IMPA2: variants seen among roughly 807,000 people sequenced by gnomAD.
The protein encoded by IMPA2 is inositol monophosphatase 2.
A neutral mutation model predicts 35.1 loss-of-function variants in IMPA2; 32 were observed. The ratio of observed to expected loss-of-function variants is 0.91; its 90% confidence interval spans 0.69 to 1.23. IMPA2 has a LOEUF of 1.23. Ranked by LOEUF, IMPA2 falls within the 50% of genes most tolerant of loss-of-function variation. The pLI is 0.00. For missense variants in IMPA2, 334 were observed against 387.6 expected, an observed-to-expected ratio of 0.86 and a Z score of 1.16; for synonymous variants, 135 against 160.6, an observed-to-expected ratio of 0.84 and a Z score of 1.20.
chr18:12,012,839 C>T (rs1907471845), intron 4 of IMPA2, among the ~76,000 whole-genome samples: 1 of 152,182 alleles, frequency 6.6e-6, no homozygotes, highest in Non-Finnish European at 1.5e-5. Context: ...AAAAGCAGCC[C>T]TGCTTCAGAG....
chr18:11,992,219 A>G (rs1248732922), intron 1 of IMPA2, among the ~76,000 whole-genome samples: 2 of 152,230 alleles, frequency 1.3e-5, no homozygotes, highest in East Asian at 1.9e-4. Context: ...ATCACAACAC[A>G]TTCACTTGTG....
rs1316665974 is a variant in IMPA2, at chr18:11,999,172, G to A, written c.215G>A (p.Arg72Lys). Reference sequence around the variant, plus strand: ...TTAATTATTTCTGAGTTGCGAGAGAGGTTTCCTTCACACAGGTAGGTGTAC... The same window carrying A: ...TTAATTATTTCTGAGTTGCGAGAGAAGTTTCCTTCACACAGGTAGGTGTAC... Reference protein sequence around the residue: ...EDLIISELRERFPSHRFIAEE... With the variant: ...EDLIISELREKFPSHRFIAEE... The change falls in exon 2 of 8, where the codon AGG becomes AAG. Residue 72 changes from arginine (R) to lysine (K), a missense_variant. Transcript: ENST00000269159. 1 of 1,613,744 alleles carries A rather than the reference G, an allele frequency of 6.2e-7. No individual in the cohort carries two copies. Among genetic ancestry groups the A allele is most frequent in the African/African-American group, 1.3e-5 (1 of 74,986 alleles).
At chr18:11,983,244 C>A (rs1906557975) in intron 1 of IMPA2, among the ~76,000 whole-genome samples, 3 of 152,228 alleles carry the variant, frequency 2.0e-5, no homozygotes, top group Admixed American at 2.0e-4. Context: ...TGCAAGCGTT[C>A]TTCCTGGAAA....
In IMPA2 at chr18:12,028,094, C is replaced by A. The variant is rs369840633; in HGVS notation, c.542C>A (p.Ala181Glu). ...LTEIGPKRDP[A>E]TLKLFLSNME... ...GAAATTGGCCCCAAACGTGACCCTG[C>A]GACCCTGAAGCTGTTCCTGAGTAAC... The change falls in exon 6 of 8, where the codon GCG becomes GAG. Residue 181 changes from alanine to glutamate, a missense_variant. Physicochemically the swap from Ala to Glu is moderately radical, Grantham distance 107. Transcript: ENST00000269159. 1 of 1,614,000 alleles carries A rather than the reference C, an allele frequency of 6.2e-7. No homozygotes were observed. Among genetic ancestry groups the A allele is most frequent in the Admixed American group, 1.7e-5 (1 of 60,016 alleles).
chr18:12,017,623 C>G (rs1907614396), intron 5 of IMPA2: 1 of 428,528 alleles, frequency 2.3e-6, no homozygotes, highest in South Asian at 1.7e-5. Context: ...GGATCTCACT[C>G]TGTCACCCAG....
At chr18:12,001,687 C>T (rs112377235) in intron 2 of IMPA2, among the ~76,000 whole-genome samples, 5 of 152,272 alleles carry the variant, frequency 3.3e-5, no homozygotes, top group East Asian at 3.9e-4. Context: ...TGCCAGGGAC[C>T]GCCAGACTCC....
chr18:12,004,585 C>T (rs1483581972), intron 2 of IMPA2, among the ~76,000 whole-genome samples: 1 of 149,742 alleles, frequency 6.7e-6, no homozygotes, highest in Non-Finnish European at 1.5e-5. Context: ...GACTGGAGTG[C>T]AGTGGTGCAA....
intron 2 of IMPA2, chr18:12,008,487 A>G (rs1907341001): frequency 2.1e-6 from 1 of 470,310 alleles, no homozygotes; most frequent in Non-Finnish European, 4.3e-6. Flanking sequence ...AAGAGTGTCA[A>G]AAGCACTGCC....
intron 5 of IMPA2, among the ~76,000 whole-genome samples, chr18:12,016,906 A>C (rs1418985354): frequency 6.6e-6 from 1 of 152,228 alleles, no homozygotes; most frequent in Non-Finnish European, 1.5e-5. Flanking sequence ...AACCATTATC[A>C]AAGAAGAAAC....
At chr18:12,024,740 CT>C (rs1366018487) in intron 5 of IMPA2, among the ~76,000 whole-genome samples, 6 of 151,932 alleles carry the variant, frequency 3.9e-5, no homozygotes, top group African/African-American at 1.2e-4. Flanking sequence ...CCTCCCTGCC[CT>C]TCCTCCCTCT....
rs912003132 is a variant in IMPA2 at position 12,018,870 on chromosome 18, A to C, written c.490+4497A>C. 1.1e-4 allele frequency among the ~76,000 whole-genome samples: 16 copies of C among 152,174 alleles called. No homozygotes were observed. The East Asian group carries it at 3.1e-3, about 29-fold the overall frequency. On this transcript the variant is annotated intron_variant, in intron 5 of 7. Transcript: ENST00000269159. ...GAGACAGTCTTGTTCTGTTGACCAC[A>C]CTGGAGTGCAATGGTGTGATCGTAG...
chr18:11,990,943 A>C (rs1354724420), intron 1 of IMPA2, among the ~76,000 whole-genome samples: 1 of 152,164 alleles, frequency 6.6e-6, no homozygotes, highest in Non-Finnish European at 1.5e-5. Flanking sequence ...GTGTGGAATA[A>C]ATGTACATGT....
intron 2 of IMPA2, among the ~76,000 whole-genome samples, chr18:12,005,075 G>A (rs1184742007): frequency 6.6e-6 from 1 of 152,212 alleles, no homozygotes; most frequent in Admixed American, 6.5e-5. Flanking sequence ...GACCGAGCAC[G>A]GTTCACGCCT....
intron 1 of IMPA2, among the ~76,000 whole-genome samples, chr18:11,993,654 G>A (rs1193916678): frequency 1.3e-5 from 2 of 152,182 alleles, no homozygotes; most frequent in Non-Finnish European, 2.9e-5. Flanking sequence ...CCAGGAAGAG[G>A]GGCCTCAGCC....
At chr18:12,005,754 G>A (rs1235111639) in intron 2 of IMPA2, among the ~76,000 whole-genome samples, 2 of 152,196 alleles carry the variant, frequency 1.3e-5, no homozygotes, top group African/African-American at 4.8e-5. Flanking sequence ...GGGTGCTGCA[G>A]CGTGAGTTGT....
intron 1 of IMPA2, among the ~76,000 whole-genome samples, chr18:11,990,768 G>A (rs1032435677): frequency 1.3e-5 from 2 of 152,236 alleles, no homozygotes; most frequent in Non-Finnish European, 2.9e-5. Flanking sequence ...GGCTCCAGCC[G>A]TGGGGTCGGC....
rs1212921467 is a variant in IMPA2, at chr18:12,030,523, C to T, written c.*65C>T. On this transcript the variant is annotated 3_prime_UTR_variant, in exon 8 of 8. Transcript: ENST00000269159. ...CTGCTGTGGGCTCCTGGGGAGGTGG[C>T]CCTCGTGGCCCACGCTCCATGCCAG... is the stretch of plus-strand genomic sequence containing the variant. 92 of 1,296,060 alleles carry T rather than the reference C, an allele frequency of 7.1e-5. 2 individuals are homozygous for T. In the South Asian group the frequency reaches 9.5e-4, roughly 13 times the overall value. 80.3% of individuals were successfully genotyped at this position (1,296,060 alleles called of 1,614,324 possible). A position where few individuals can be genotyped will look rare whatever the true frequency, so the allele number is the denominator to read the frequency against.
chr18:11,987,911 C>G (rs971177833), intron 1 of IMPA2, among the ~76,000 whole-genome samples: 2 of 151,970 alleles, frequency 1.3e-5, no homozygotes, highest in African/African-American at 2.4e-5. Flanking sequence ...TATATTGTAG[C>G]CATTCTGATG....
intron 2 of IMPA2, among the ~76,000 whole-genome samples, chr18:12,003,056 A>G (rs368968373): frequency 6.6e-6 from 1 of 151,920 alleles, no homozygotes; most frequent in East Asian, 2.0e-4. Context: ...TTAGCTGGGC[A>G]TGGTAGTGCG....
Sources: allele counts gnomAD v4.1 joint callset (sites outside exome capture counted in the v4.1 genomes callset), GRCh38; gene constraint gnomAD v4.1.1; transcripts MANE v1.5; gene names NCBI Gene and HGNC (gene_info 2026-07-23, HGNC 2026-07-21).